The following SCMH1 variants were observed in gnomAD, a reference collection of about 807,000 sequenced individuals.
SCMH1 encodes Scm polycomb group protein homolog 1.
SCMH1 carries 37 observed loss-of-function variants against 70.8 expected under a neutral mutation model. That is an observed-to-expected ratio of 0.52 (90% CI 0.40 to 0.69). SCMH1 has a LOEUF of 0.69. Among genes scored for constraint, SCMH1 ranks in the 30% least tolerant of loss-of-function variants. The pLI, the probability that SCMH1 is intolerant of heterozygous loss-of-function variation, is 0.00. For synonymous variants in SCMH1, 292 were observed against 307.4 expected (o/e 0.95, Z 0.52); for missense variants, 607 against 827.3 (o/e 0.73, Z 3.27).
At chr1:41,155,182 T>C (rs1645407852) in intron 4 of SCMH1, among the ~76,000 whole-genome samples, 1 of 152,126 alleles carries the variant, frequency 6.6e-6, no homozygotes. Context: ...TTACATTTAT[T>C]ATTAAAAAAG....
intron 8 of SCMH1, among the ~76,000 whole-genome samples, chr1:41,093,831 T>G (rs1283271674): frequency 1.3e-5 from 2 of 152,198 alleles, no homozygotes. Flanking sequence ...GGCACAAGGT[T>G]TCCAAAATTC....
At chr1:41,174,543 C>T (rs1646987539) in intron 2 of SCMH1, among the ~76,000 whole-genome samples, 1 of 152,080 alleles carries the variant, frequency 6.6e-6, no homozygotes. Context: ...TGGGCCAAAC[C>T]TTTGGGTCAC....
At chr1:41,033,053 A>T (rs559474516) in intron 13 of SCMH1, among the ~76,000 whole-genome samples, 7 of 151,116 alleles carry the variant, frequency 4.6e-5, no homozygotes, top group Admixed American at 2.0e-4. Context: ...GCACTCTGGG[A>T]GGCTGAGGCA....
chr1:41,167,999 C>T (rs192264205), intron 2 of SCMH1, among the ~76,000 whole-genome samples: 12 of 148,538 alleles, frequency 8.1e-5, no homozygotes. Flanking sequence ...AAATCCACTG[C>T]TGGCCTTAGG....
rs1245316578 is a variant in SCMH1, at chr1:41,201,850, A to G, written c.-117-15600T>C. 2.6e-5 allele frequency among the ~76,000 whole-genome samples: 4 copies of G among 152,186 alleles called. 1 individual carries two copies. The highest frequency in any genetic ancestry group is 4.4e-5 in the Non-Finnish European group (3 of 68,036). Reference sequence around the variant, plus strand: ...AAAGAATATAGAACAAGCAATCTAAACAGCTCAGGCAGAATAGTGCTCAGT... The same window carrying G: ...AAAGAATATAGAACAAGCAATCTAAGCAGCTCAGGCAGAATAGTGCTCAGT... On this transcript the variant is annotated intron_variant, in intron 1 of 14. Coordinates refer to ENST00000337495, the Ensembl canonical transcript of SCMH1.
intron 1 of SCMH1, among the ~76,000 whole-genome samples, chr1:41,209,351 C>T (rs1206128773): frequency 6.6e-6 from 1 of 152,180 alleles, no homozygotes; most frequent in African/African-American, 2.4e-5. Flanking sequence ...AGGGAATCCT[C>T]TCTAACTCAT....
At chr1:41,193,158 T>C (rs1264002129) in intron 1 of SCMH1, among the ~76,000 whole-genome samples, 2 of 152,252 alleles carry the variant, frequency 1.3e-5, no homozygotes. Context: ...TTCCATTATT[T>C]TACCTCAAGC....
chr1:41,044,032 T>C (rs960671726), intron 12 of SCMH1: 12 of 152,196 alleles, frequency 7.9e-5, no homozygotes, highest in African/African-American at 2.7e-4. Context: ...TTCTGTAGGT[T>C]TGAAATTTTT....
chr1:41,067,971 TAA>T (rs1323473722), intron 10 of SCMH1, among the ~76,000 whole-genome samples: 1 of 152,106 alleles, frequency 6.6e-6, no homozygotes, highest in African/African-American at 2.4e-5. Flanking sequence ...CTCTAAAAAA[TAA>T]AAGTCTATTA....
At chr1:41,114,374 T>C (rs1293382291) in intron 7 of SCMH1, among the ~76,000 whole-genome samples, 1 of 152,234 alleles carries the variant, frequency 6.6e-6, no homozygotes, top group East Asian at 1.9e-4. Context: ...GTTCCCTTAA[T>C]CTTACTATCT....
chr1:41,122,534 GA>G (rs886682390), intron 6 of SCMH1, among the ~76,000 whole-genome samples: 24 of 151,996 alleles, frequency 1.6e-4, no homozygotes, highest in Non-Finnish European at 2.1e-4. Flanking sequence ...TTGAATTAAG[GA>G]AAAAACCCTC....
At position 41,044,361 on chromosome 1, in the gene SCMH1, C is replaced by T. The variant is rs1318085690; in HGVS notation, c.1498+2046G>A. Among the ~76,000 whole-genome samples the T allele has an allele frequency of 2.0e-5, 3 of 152,034 alleles. No homozygotes were observed. The East Asian group carries it at 5.8e-4, about 29-fold the overall frequency. The stretch of plus-strand genomic sequence containing the variant: ...CTCTTGTACAGATCGAGCTCTTTGG[C>T]AGAGGTTTAGGTAAGTAATCAGAAA... On this transcript the variant is annotated intron_variant, in intron 12 of 14. Coordinates refer to ENST00000337495, the Ensembl canonical transcript of SCMH1.
At chr1:41,192,528 C>T (rs1459904320) in intron 1 of SCMH1, among the ~76,000 whole-genome samples, 1 of 111,352 alleles carries the variant, frequency 9.0e-6, no homozygotes, top group African/African-American at 2.8e-5. Flanking sequence ...ACACACACCA[C>T]TTAGAACAGT....
intron 1 of SCMH1, among the ~76,000 whole-genome samples, chr1:41,196,503 G>C (rs896328511): frequency 1.3e-5 from 2 of 152,118 alleles, no homozygotes; most frequent in Admixed American, 6.5e-5. Context: ...GCAGGAGAAT[G>C]AAGTTGAATA....
chr1:41,044,773 C>G (rs1022066845), intron 12 of SCMH1, among the ~76,000 whole-genome samples: 1 of 152,050 alleles, frequency 6.6e-6, no homozygotes, highest in Non-Finnish European at 1.5e-5. Flanking sequence ...TTCCTCTTAT[C>G]TAGTGGCTGA....
chr1:41,028,449 T>C, intron 14 of SCMH1, 130 bp from the exon 16 acceptor site: 2 of 1,499,922 alleles, frequency 1.3e-6, no homozygotes, highest in Non-Finnish European at 1.8e-6. Flanking sequence ...GTTCACCTGC[T>C]GTGATGCTGA....
chr1:41,177,771 C>T (rs1338255390), intron 2 of SCMH1, among the ~76,000 whole-genome samples: 2 of 152,192 alleles, frequency 1.3e-5, no homozygotes, highest in African/African-American at 2.4e-5. Flanking sequence ...GATTGGTGTA[C>T]CTAAAAGTGA....
At chr1:41,125,728 C>A (rs771181193) in intron 6 of SCMH1, among the ~76,000 whole-genome samples, 1 of 150,536 alleles carries the variant, frequency 6.6e-6, no homozygotes, top group Non-Finnish European at 1.5e-5. Context: ...TGCGTGACAC[C>A]ATGTCCAGCT....
chr1:41,155,219 C>T (rs1023766077), intron 4 of SCMH1, among the ~76,000 whole-genome samples: 1 of 152,108 alleles, frequency 6.6e-6, no homozygotes, highest in South Asian at 2.1e-4. Flanking sequence ...CCTGAAGAGA[C>T]TTAAAAATGG....
Sources: gnomAD v4.1 joint callset for allele counts (sites outside exome capture counted in the v4.1 genomes callset) on GRCh38, gnomAD v4.1.1 for gene constraint, MANE v1.5 for transcripts, NCBI Gene and HGNC (gene_info 2026-07-23, HGNC 2026-07-21) for gene names.